ATP10D: variants seen among roughly 807,000 people sequenced by gnomAD.
ATP10D encodes the protein phospholipid-transporting ATPase VD.
ATP10D carries 89 observed loss-of-function variants against 144.8 expected under a neutral mutation model. The observed-to-expected ratio is 0.61, with a 90% confidence interval of 0.52 to 0.73. The LOEUF (loss-of-function observed/expected upper bound fraction) is 0.73, where lower values mean the gene tolerates loss of function less well. ATP10D is among the 30% of genes least tolerant of loss of function. The pLI, the probability that ATP10D is intolerant of heterozygous loss-of-function variation, is 0.00. For synonymous variants in ATP10D, 571 were observed against 615.1 expected, an observed-to-expected ratio of 0.93 and a Z score of 1.06; for missense variants, 1,603 against 1,714.8, an observed-to-expected ratio of 0.93 and a Z score of 1.15.
chr4:47,552,931 A>G (rs1318947664), intron 10 of ATP10D, among the ~76,000 whole-genome samples: 1 of 152,226 alleles, frequency 6.6e-6, no homozygotes, highest in Non-Finnish European at 1.5e-5. Context: ...AAATGCTGAA[A>G]TTAAAAAACT....
intron 15 of ATP10D, among the ~76,000 whole-genome samples, chr4:47,567,254 C>G (rs914143837): frequency 6.6e-6 from 1 of 152,090 alleles, no homozygotes; most frequent in Non-Finnish European, 1.5e-5. Context: ...AATGTGGAAT[C>G]CACAGATAAT....
chr4:47,498,359 A>G (rs1231835394), intron 1 of ATP10D, among the ~76,000 whole-genome samples: 1 of 152,186 alleles, frequency 6.6e-6, no homozygotes, highest in Non-Finnish European at 1.5e-5. Context: ...TTCTTTCCAC[A>G]ACCAAAAATA....
chr4:47,521,837 C>A (rs1032136552), intron 3 of ATP10D, among the ~76,000 whole-genome samples: 5 of 152,168 alleles, frequency 3.3e-5, no homozygotes, highest in African/African-American at 1.2e-4. Flanking sequence ...GACCAATAAA[C>A]CCTTCAGATA....
At chr4:47,503,912 A>T (rs1715860857) in intron 1 of ATP10D, among the ~76,000 whole-genome samples, 1 of 150,846 alleles carries the variant, frequency 6.6e-6, no homozygotes, top group South Asian at 2.2e-4. Flanking sequence ...AAAATAATAA[A>T]TAAAAAATAA....
In ATP10D at chr4:47,561,738, C is replaced by T. The variant is rs1258854388; in HGVS notation, c.2668+663C>T. Among the ~76,000 whole-genome samples the T allele has an allele frequency of 2.0e-5, 3 of 152,176 alleles. No individual in the cohort carries two copies. The East Asian group carries it at 5.8e-4, about 29-fold the overall frequency. On this transcript the variant is annotated intron_variant, in intron 14 of 22. Coordinates refer to ENST00000273859, the MANE Select transcript of ATP10D (RefSeq NM_020453.4). ...TTTAAAAAATATTGATGCCTGCATC[C>T]TATCCCCTGAGATTCTGATTCAAGT...
intron 10 of ATP10D, among the ~76,000 whole-genome samples, 163 bp from the exon 11 acceptor site, chr4:47,554,563 C>T (rs536183700): frequency 1.3e-5 from 2 of 152,330 alleles, no homozygotes; most frequent in Non-Finnish European, 2.9e-5. Context: ...TTCCTATTCT[C>T]ACTTCCCATG....
intron 13 of ATP10D, among the ~76,000 whole-genome samples, chr4:47,560,434 G>A (rs1445869839): frequency 6.6e-6 from 1 of 152,036 alleles, no homozygotes; most frequent in Admixed American, 6.5e-5. Context: ...AGCTTGTAGT[G>A]AGCCGAGATC....
At chr4:47,568,142 A>G (rs1719738644) in intron 15 of ATP10D, among the ~76,000 whole-genome samples, 1 of 152,224 alleles carries the variant, frequency 6.6e-6, no homozygotes, top group Admixed American at 6.5e-5. Context: ...CCTTTAAAGA[A>G]CTTCCTAACT....
chr4:47,547,670 C>G (rs1363555930), intron 10 of ATP10D: 1 of 152,016 alleles, frequency 6.6e-6, no homozygotes, highest in African/African-American at 2.4e-5. Flanking sequence ...AAGAATAAAC[C>G]AGCTTTGGGG....
chr4:47,560,974 A>G lies in ATP10D; in HGVS notation c.2567A>G (p.Glu856Gly). 1 of 1,614,104 alleles carries G rather than the reference A, an allele frequency of 6.2e-7. No individual in the cohort carries two copies. Among genetic ancestry groups the G allele is most frequent in the Non-Finnish European group, 8.5e-7 (1 of 1,179,952 alleles). The change falls in exon 14 of 23, where the codon GAG becomes GGG. Residue 856 changes from glutamate (E) to glycine (G), a missense_variant. Transcript: ENST00000273859. ...KKVMSDTEYAEWLRNHFLAET... is the reference protein window; with the variant it reads ...KKVMSDTEYAGWLRNHFLAET... Reference sequence around the variant, plus strand: ...GTCATGAGTGACACTGAATATGCAGAGTGGCTGAGGAATCATTTTTTAGCT... The same window carrying G: ...GTCATGAGTGACACTGAATATGCAGGGTGGCTGAGGAATCATTTTTTAGCT...
intron 2 of ATP10D, among the ~76,000 whole-genome samples, chr4:47,513,565 G>A (rs1716476549): frequency 6.6e-6 from 1 of 152,148 alleles, no homozygotes; most frequent in Non-Finnish European, 1.5e-5. Context: ...TCAAAGCAGA[G>A]GTGTGAGCAA....
intron 2 of ATP10D, 117 bp downstream of exon 2, chr4:47,512,947 G>A: frequency 2.0e-6 from 2 of 1,017,426 alleles, no homozygotes; most frequent in Non-Finnish European, 2.8e-6. Flanking sequence ...CATCATCCTT[G>A]ACAATTTTGA....
intron 3 of ATP10D, among the ~76,000 whole-genome samples, chr4:47,518,199 C>T (rs1256506026): frequency 2.0e-5 from 3 of 152,110 alleles, no homozygotes; most frequent in Non-Finnish European, 4.4e-5. Flanking sequence ...TTGGAAGAAG[C>T]ATATTAACAT....
At chr4:47,559,993 C>G (rs1040028737) in intron 13 of ATP10D, among the ~76,000 whole-genome samples, 3 of 151,466 alleles carry the variant, frequency 2.0e-5, no homozygotes, top group East Asian at 2.0e-4. Flanking sequence ...GAGCAAAACT[C>G]CATCTCAAAA....
chr4:47,516,044 A>G (rs1577634213), intron 3 of ATP10D, among the ~76,000 whole-genome samples: 2 of 152,166 alleles, frequency 1.3e-5, no homozygotes, highest in East Asian at 1.9e-4. Context: ...AGCCTGACCA[A>G]CATGATGAAA....
At chr4:47,571,680 T>C (rs1233975492) in intron 16 of ATP10D, among the ~76,000 whole-genome samples, 1 of 152,074 alleles carries the variant, frequency 6.6e-6, no homozygotes, top group Non-Finnish European at 1.5e-5. Flanking sequence ...GTGTGATAGG[T>C]GTGCTAGAGA....
chr4:47,541,939 A>ACC (rs1294785513), intron 9 of ATP10D, among the ~76,000 whole-genome samples: 1 of 152,124 alleles, frequency 6.6e-6, no homozygotes, highest in Non-Finnish European at 1.5e-5. Context: ...TATGAAGCAA[A>ACC]AAGTAAGAAT....
At chr4:47,589,084 G>C (rs904656098) in intron 22 of ATP10D, among the ~76,000 whole-genome samples, 1 of 152,130 alleles carries the variant, frequency 6.6e-6, no homozygotes, top group Non-Finnish European at 1.5e-5. Flanking sequence ...ACACAGAAGA[G>C]GAGAAGGTAC....
chr4:47,529,952 T>C (rs1717476115), intron 5 of ATP10D, among the ~76,000 whole-genome samples: 1 of 152,210 alleles, frequency 6.6e-6, no homozygotes, highest in Admixed American at 6.5e-5. Context: ...AGTTAGAATG[T>C]TATTGGTATA....
Sources: gnomAD v4.1 joint callset for allele counts (sites outside exome capture counted in the v4.1 genomes callset) on GRCh38, gnomAD v4.1.1 for gene constraint, MANE v1.5 for transcripts, NCBI Gene and HGNC (gene_info 2026-07-23, HGNC 2026-07-21) for gene names.